The following SLC9B1 variants were observed in gnomAD, a reference collection of about 807,000 sequenced individuals.
SLC9B1 encodes sodium/hydrogen exchanger 9B1.
Under a neutral mutation model 51.7 loss-of-function variants are expected in SLC9B1, and 32 were observed. The observed-to-expected ratio is 0.62, with a 90% confidence interval of 0.47 to 0.83. The LOEUF (loss-of-function observed/expected upper bound fraction) is 0.83. Among genes scored for constraint, SLC9B1 ranks in the 40% least tolerant of loss-of-function variants. The pLI is 0.00. For missense variants in SLC9B1, 406 were observed against 613.2 expected (o/e 0.66, Z 3.57); for synonymous variants, 145 against 212.7 (o/e 0.68, Z 2.77).
chr4:102,974,231 T>A, intron 3 of SLC9B1, among the ~76,000 whole-genome samples: 1 of 77,398 alleles, frequency 1.3e-5, no homozygotes, highest in African/African-American at 6.4e-5. Flanking sequence ...AGCAAGACTC[T>A]GTCTAAAATT....
intron 3 of SLC9B1, among the ~76,000 whole-genome samples, chr4:102,955,159 A>G (rs1737720521): frequency 6.6e-6 from 1 of 152,136 alleles, no homozygotes; most frequent in South Asian, 2.1e-4. Flanking sequence ...GAGATAATTG[A>G]ATCATGGGGG....
In SLC9B1 at chr4:102,893,054, G is replaced by A. The variant is rs546839361; in HGVS notation, c.1333-7726C>T. Among the ~76,000 whole-genome samples, 282 of 152,068 alleles carry A rather than the reference G, an allele frequency of 1.9e-3. 1 individual carries two copies. Among genetic ancestry groups the A allele is most frequent in the Non-Finnish European group, 2.6e-3 (176 of 67,974 alleles). ...TTCCAGCACTTTGGGAGGCCAAGGC[G>A]GGCAGATCGCCTAAGGTCAGGAGTT... On this transcript the variant is annotated intron_variant, in intron 11 of 11. Coordinates refer to the SLC9B1 transcript ENST00000394789.
intron 7 of SLC9B1, among the ~76,000 whole-genome samples, chr4:102,931,421 C>T (rs10028116): frequency 0.55 from 82,996 of 151,628 alleles, 23,290 homozygotes; most frequent in African/African-American, 0.68. Context: ...GATGTGACTA[C>T]TGCAGATTTT....
chr4:103,017,608 G>A lies in SLC9B1; in HGVS notation c.-2+1991C>T, dbSNP rs140398135. 9.5e-4 allele frequency among the ~76,000 whole-genome samples: 144 copies of A among 152,182 alleles called. 1 individual carries two copies. The highest frequency in any genetic ancestry group is 2.8e-3 in the African/African-American group (115 of 41,534). ...TTGGAGTTGCCTTTACCTGTAGTGC[G>A]CTGATCCCAAATATTTCCATGGTTG... On this transcript the variant is annotated intron_variant, in intron 1 of 11. Coordinates refer to ENST00000296422, the MANE Select transcript of SLC9B1 (RefSeq NM_139173.4).
intron 1 of SLC9B1, among the ~76,000 whole-genome samples, chr4:103,015,674 T>C (rs893097090): frequency 1.3e-5 from 2 of 152,116 alleles, no homozygotes; most frequent in Non-Finnish European, 2.9e-5. Context: ...TTAAACCTCC[T>C]ACCCAAATAT....
At chr4:102,915,076 T>C (rs2110436556) in intron 7 of SLC9B1, among the ~76,000 whole-genome samples, 1 of 148,018 alleles carries the variant, frequency 6.8e-6, no homozygotes, top group Admixed American at 6.8e-5. Flanking sequence ...CAGAAGAGAA[T>C]GGGATGATAT....
chr4:103,010,573 T>C (rs1052289016), intron 1 of SLC9B1, among the ~76,000 whole-genome samples: 1 of 152,222 alleles, frequency 6.6e-6, no homozygotes, highest in Non-Finnish European at 1.5e-5. Flanking sequence ...TTGTCACAGT[T>C]CTGGAGGCTG....
chr4:102,959,785 G>A (rs1738001636), intron 3 of SLC9B1, among the ~76,000 whole-genome samples: 1 of 152,030 alleles, frequency 6.6e-6, no homozygotes, highest in Non-Finnish European at 1.5e-5. Flanking sequence ...ATGGAGAGTG[G>A]TTACAAACTT....
At chr4:103,019,522 C>G (rs1051605718) in intron 1 of SLC9B1, 77 bp downstream of exon 1, 3 of 960,098 alleles carry the variant, frequency 3.1e-6, no homozygotes, top group Non-Finnish European at 3.7e-6. Context: ...CGGCCTACCG[C>G]AAGGAAACGA....
At chr4:102,885,391 T>C in intron 11 of SLC9B1, 1 of 1,614,122 alleles carries the variant, frequency 6.2e-7, no homozygotes, top group Non-Finnish European at 8.5e-7. Context: ...ATTTGTGTCT[T>C]ACTAAAGCAG....
chr4:102,957,294 T>C (rs1737859645), intron 3 of SLC9B1, among the ~76,000 whole-genome samples: 1 of 152,132 alleles, frequency 6.6e-6, no homozygotes, highest in Admixed American at 6.5e-5. Flanking sequence ...AAAAATGTTA[T>C]GAAAAACATT....
At chr4:102,928,924 C>G (rs1419874072) in intron 7 of SLC9B1, among the ~76,000 whole-genome samples, 1 of 152,138 alleles carries the variant, frequency 6.6e-6, no homozygotes, top group Non-Finnish European at 1.5e-5. Context: ...AAGCATCCAG[C>G]ATGGGAGAAA....
At chr4:102,893,281 C>CAAAAAAA (rs58316456) in intron 11 of SLC9B1, among the ~76,000 whole-genome samples, 362 of 35,130 alleles carry the variant, frequency 0.01, 52 homozygotes, top group Admixed American at 0.014. Flanking sequence ...GACTCCATCT[C>CAAAAAAA]AAAAAAAAAA....
At chr4:102,949,640 AGTG>A (rs1737444875) in intron 3 of SLC9B1, among the ~76,000 whole-genome samples, 1 of 152,178 alleles carries the variant, frequency 6.6e-6, no homozygotes. Flanking sequence ...TTTCAAACAA[AGTG>A]TTTTTACTTT....
At chr4:103,000,046 T>A (rs1241183282) in intron 1 of SLC9B1, among the ~76,000 whole-genome samples, 1 of 152,104 alleles carries the variant, frequency 6.6e-6, no homozygotes, top group Non-Finnish European at 1.5e-5. Context: ...CCATCAGATC[T>A]CATGAGAACG....
intron 4 of SLC9B1, among the ~76,000 whole-genome samples, chr4:102,947,069 C>G (rs530528238): frequency 1.4e-4 from 21 of 152,208 alleles, no homozygotes; most frequent in East Asian, 7.7e-4. Flanking sequence ...GGTCTCCCCC[C>G]ACTTTGGCAA....
rs186564037 is a variant in SLC9B1 at position 102,979,829 on chromosome 4, T to G, written c.211+9971A>C. Among the ~76,000 whole-genome samples the G allele has an allele frequency of 9.3e-3, 1,413 of 152,084 alleles. 15 individuals are homozygous for G. Among genetic ancestry groups the G allele is most frequent in the African/African-American group, 0.031 (1,276 of 41,472 alleles). ...TACAACCTACAGAATGGGAGAAAAT[T>G]TTTGCAATCTATCCATCTGATAAAG... On this transcript the variant is annotated intron_variant, in intron 3 of 11. Transcript: ENST00000296422.
chr4:103,003,094 T>C (rs1048298000), intron 1 of SLC9B1, among the ~76,000 whole-genome samples: 3 of 152,200 alleles, frequency 2.0e-5, no homozygotes, highest in African/African-American at 7.2e-5. Context: ...TCCCTTTCCA[T>C]TATTCACCAA....
At chr4:102,923,667 T>C (rs545499690) in intron 7 of SLC9B1, among the ~76,000 whole-genome samples, 1 of 136,532 alleles carries the variant, frequency 7.3e-6, no homozygotes, top group African/African-American at 2.9e-5. Flanking sequence ...GAAAACCCCA[T>C]CATCTCAGCC....
Sources: allele counts gnomAD v4.1 joint callset (sites outside exome capture counted in the v4.1 genomes callset), GRCh38; gene constraint gnomAD v4.1.1; transcripts MANE v1.5; gene names NCBI Gene and HGNC (gene_info 2026-07-23, HGNC 2026-07-21).